Variants in SLC2A8 observed in about 807,000 individuals in gnomAD.
SLC2A8 encodes solute carrier family 2, facilitated glucose transporter member 8.
A neutral mutation model predicts 49.2 loss-of-function variants in SLC2A8; 53 were observed. That is an observed-to-expected ratio of 1.08 (90% confidence interval 0.86 to 1.35). The LOEUF (loss-of-function observed/expected upper bound fraction) is 1.35, where lower values mean the gene tolerates loss of function less well. SLC2A8 is among the 40% of genes most tolerant of loss of function. The pLI, the probability that SLC2A8 is intolerant of heterozygous loss-of-function variation, is 0.00. For missense variants in SLC2A8, 688 were observed against 671.7 expected, an observed-to-expected ratio of 1.02 and a Z score of -0.27; for synonymous variants, 299 against 297.0, an observed-to-expected ratio of 1.01 and a Z score of -0.07.
chr9:127,407,250 C>T lies in SLC2A8; in HGVS notation c.*1C>T. The T allele has an allele frequency of 6.2e-7, 1 of 1,612,978 alleles. No individual in the cohort carries two copies. The highest frequency in any genetic ancestry group is 8.5e-7 in the Non-Finnish European group (1 of 1,179,958). Reference sequence around the variant, plus strand: ...CACAGCCCATTTTGAGGGGCGATGACAGCCACTCACTAGGGGATGGAGCAA... The same window carrying T: ...CACAGCCCATTTTGAGGGGCGATGATAGCCACTCACTAGGGGATGGAGCAA... On this transcript the variant is annotated 3_prime_UTR_variant, in exon 10 of 10. Coordinates refer to ENST00000373371, the MANE Select transcript of SLC2A8 (RefSeq NM_014580.5).
intron 4 of SLC2A8, among the ~76,000 whole-genome samples, chr9:127,401,313 G>A (rs1833279846): frequency 6.6e-6 from 1 of 152,254 alleles, no homozygotes; most frequent in Non-Finnish European, 1.5e-5. Flanking sequence ...AATGAGAATT[G>A]TCAAGGGATG....
chr9:127,397,670 C>G (rs1318285210), intron 2 of SLC2A8, 132 bp downstream of exon 2: 17 of 1,261,314 alleles, frequency 1.3e-5, no homozygotes, highest in Non-Finnish European at 1.8e-5. Flanking sequence ...CCTTTCCCCA[C>G]GAGACAGGCA....
In SLC2A8 at chr9:127,399,597, A is replaced by G. The variant is rs1374172698; in HGVS notation, c.427-310A>G. Among the ~76,000 whole-genome samples the G allele has an allele frequency of 6.6e-6, 1 of 151,326 alleles. No individual in the cohort carries two copies. The highest frequency in any genetic ancestry group is 6.6e-5 in the Admixed American group (1 of 15,230). On this transcript the variant is annotated intron_variant, in intron 3 of 9. Transcript: ENST00000373371. This position sits in a 1 kb window ranked among gnomAD's most constrained non-coding sequence, Gnocchi z 4.2. The stretch of plus-strand genomic sequence containing the variant: ...TTTTTTTTTTTTAATTTTTATTTAA[A>G]AATTTCGGAGTTTCGCTCTTGTTGC...
intron 5 of SLC2A8, 28 bp downstream of exon 5, chr9:127,402,781 G>A (rs986379835): frequency 2.0e-6 from 3 of 1,510,306 alleles, no homozygotes; most frequent in African/African-American, 1.4e-5. Flanking sequence ...AGAGCTGACA[G>A]GAGTGGGACA....
At position 127,403,776 on chromosome 9, in the gene SLC2A8, G is replaced by T. The variant is rs202091795; in HGVS notation, c.840G>T (p.Glu280Asp). The part of the protein sequence containing the change: ...SGVNAVMFYA[E>D]TIFEEAKFKD... ...TCAACGCCGTCATGTTCTATGCAGA[G>T]ACCATCTTTGAAGAGGCCAAGTTCA... is the stretch of plus-strand genomic sequence containing the variant. Residue 280 changes from glutamate (E) to aspartate (D), a missense_variant, in exon 6 of 10, where the codon GAG becomes GAT. Coordinates refer to ENST00000373371, the MANE Select transcript of SLC2A8 (RefSeq NM_014580.5). The T allele has an allele frequency of 6.2e-7, 1 of 1,613,112 alleles. No homozygotes were observed. Among genetic ancestry groups the T allele is most frequent in the African/African-American group, 1.3e-5 (1 of 74,902 alleles).
At chr9:127,404,737 T>A in intron 7 of SLC2A8, 81 bp from the exon 8 acceptor site, 1 of 1,479,346 alleles carries the variant, frequency 6.8e-7, no homozygotes, top group Non-Finnish European at 9.1e-7. Context: ...GGCCTGCCCC[T>A]CTCAGAGGCA....
chr9:127,399,816 G>A lies in SLC2A8; in HGVS notation c.427-91G>A. 1 of 1,048,382 alleles carries A rather than the reference G, an allele frequency of 9.5e-7. No individual in the cohort carries two copies. Among genetic ancestry groups the A allele is most frequent in the South Asian group, 1.3e-5 (1 of 74,680 alleles). 64.9% of individuals were successfully genotyped at this position (1,048,382 alleles called of 1,614,324 possible). ...GGCCAGTCTCAAACTCCCAACCTCT[G>A]GTGATCTGCCCGCCTCGGCCTCCCA... On this transcript the variant is annotated intron_variant, in intron 3 of 9. Transcript: ENST00000373371. This position sits in a 1 kb window ranked among gnomAD's most constrained non-coding sequence, Gnocchi z 4.2.
At chr9:127,406,687 C>T (rs1369300841) in intron 9 of SLC2A8, among the ~76,000 whole-genome samples, 1 of 152,210 alleles carries the variant, frequency 6.6e-6, no homozygotes, top group South Asian at 2.1e-4. Context: ...GGGCCATGCT[C>T]GCTTTGCCCT....
Position 127,407,263 on chromosome 9 carries a change from G to C in SLC2A8, c.*14G>C. 6.2e-7 allele frequency: 1 copy of C among 1,612,810 alleles called. No individual in the cohort carries two copies. Among genetic ancestry groups the C allele is most frequent in the African/African-American group, 1.3e-5 (1 of 75,056 alleles). ...GAGGGGCGATGACAGCCACTCACTA[G>C]GGGATGGAGCAAGCCTGTGACTCCA... is the stretch of plus-strand genomic sequence containing the variant. On this transcript the variant is annotated 3_prime_UTR_variant, in exon 10 of 10. Transcript: ENST00000373371.
Position 127,405,496 on chromosome 9 carries a change from G to C in SLC2A8, c.1227G>C (p.Ala409=), listed in dbSNP as rs367972240. ...EIFPLHVKGV[A]TGICVLTNWL... The stretch of plus-strand genomic sequence containing the variant: ...TCCCTCTGCATGTCAAGGGCGTGGC[G>C]ACAGGCATCTGCGTCCTCACCAACT... Residue 409 remains alanine, a synonymous_variant, in exon 9 of 10, where the codon GCG becomes GCC. Coordinates refer to ENST00000373371, the MANE Select transcript of SLC2A8 (RefSeq NM_014580.5). 1.4e-5 allele frequency: 22 copies of C among 1,613,056 alleles called. No homozygotes were observed. The South Asian group carries it at 2.2e-4, about 16-fold the overall frequency.
At chr9:127,404,578 T>C (rs3824414) in intron 7 of SLC2A8, 309,469 of 521,058 alleles carry the variant, frequency 0.59, 93,258 homozygotes, top group Admixed American at 0.64. Flanking sequence ...GCTGCTTCTG[T>C]GCCGGTACCT....
rs1044715974 is a variant in SLC2A8 at position 127,399,611 on chromosome 9, C to T, written c.427-296C>T. On this transcript the variant is annotated intron_variant, in intron 3 of 9. Transcript: ENST00000373371. The surrounding 1 kb of genome is among the most constrained non-coding windows in gnomAD (Gnocchi z 4.2). ...TTTTTATTTAAAAATTTCGGAGTTT[C>T]GCTCTTGTTGCCCAGGCTGGAGTGC... Among the ~76,000 whole-genome samples, 4 of 147,920 alleles carry T rather than the reference C, an allele frequency of 2.7e-5. No individual in the cohort carries two copies. The highest frequency in any genetic ancestry group is 7.5e-5 in the African/African-American group (3 of 40,082).
At position 127,397,248 on chromosome 9, in the gene SLC2A8, A is replaced by G. The variant is rs966069923; in HGVS notation, c.18A>G (p.Pro6=). MTPED[P]EETQPLLGPP... ...CCGCCGACATGACGCCCGAGGACCC[A>G]GAGGAAACCCAGCCGCTTCTGGGGC... Residue 6 remains proline (P), a synonymous_variant, in exon 1 of 10, where the codon CCA becomes CCG. Transcript: ENST00000373371. 6.9e-7 allele frequency: 1 copy of G among 1,440,144 alleles called. No individual in the cohort carries two copies. The highest frequency in any genetic ancestry group is 9.0e-7 in the Non-Finnish European group (1 of 1,106,300). The allele number at this position is 1,440,144 out of a possible 1,614,324, so 89.2% of individuals were successfully genotyped here. A position where few individuals can be genotyped will look rare whatever the true frequency, so the allele number is the denominator to read the frequency against.
At chr9:127,402,510 G>GA in intron 4 of SLC2A8, 47 bp from the exon 5 acceptor site, 1 of 1,459,028 alleles carries the variant, frequency 6.9e-7, no homozygotes, top group Non-Finnish European at 9.0e-7. Flanking sequence ...GGCCCAGGCT[G>GA]GCTCACCCTG....
chr9:127,406,993 T>G (rs1296092211), intron 9 of SLC2A8, 119 bp from the exon 10 acceptor site: 1 of 1,133,192 alleles, frequency 8.8e-7, no homozygotes, highest in Non-Finnish European at 1.3e-6. Context: ...GGTGTGGCCT[T>G]GGGCAGGGCA....
At chr9:127,400,351 G>A (rs550759393) in intron 4 of SLC2A8, among the ~76,000 whole-genome samples, 1 of 151,936 alleles carries the variant, frequency 6.6e-6, no homozygotes, top group Non-Finnish European at 1.5e-5. Flanking sequence ...TAGAAAGGGG[G>A]TTTCACCGTG....
chr9:127,407,708 AG>A lies in SLC2A8; in HGVS notation c.*462del, dbSNP rs1184073780. ...GGCTTTGTGCAAGCTCAGTTTGAAA[AG>A]GGTTTATTCCCATCACTGCCCAGGA... On this transcript the variant is annotated 3_prime_UTR_variant, in exon 10 of 10. Coordinates refer to ENST00000373371, the MANE Select transcript of SLC2A8 (RefSeq NM_014580.5). 1.6e-5 allele frequency: 5 copies of A among 303,108 alleles called. No homozygotes were observed. Among genetic ancestry groups the A allele is most frequent in the Non-Finnish European group, 3.3e-5 (5 of 149,544 alleles). The allele number at this position is 303,108 out of a possible 1,614,324, so 18.8% of individuals were successfully genotyped here.
At position 127,403,995 on chromosome 9, in the gene SLC2A8, C is replaced by G. The variant is rs1372397611; in HGVS notation, c.904C>G (p.Gln302Glu). The G allele has an allele frequency of 1.2e-6, 2 of 1,610,206 alleles. No individual in the cohort carries two copies. Among genetic ancestry groups the G allele is most frequent in the Admixed American group, 1.7e-5 (1 of 59,806 alleles). The change falls in exon 7 of 10, where the codon CAG becomes GAG. Residue 302 changes from glutamine (Q) to glutamate (E), a missense_variant. By Grantham distance (29) the Gln-to-Glu change is conservative. Transcript: ENST00000373371. Reference protein sequence around the residue: ...SLASVVVGVIQVLFTAVAALI... With the variant: ...SLASVVVGVIEVLFTAVAALI... ...GGCCTCGGTCGTCGTGGGTGTCATCCAGGTGCTGTTCACAGCTGTGGCGGC... is the reference window on the plus strand; with the variant it reads ...GGCCTCGGTCGTCGTGGGTGTCATCGAGGTGCTGTTCACAGCTGTGGCGGC...
chr9:127,407,107 T>C lies in SLC2A8; in HGVS notation c.1297-5T>C. ...GTCCACCCATGGCCTTTCCTCTCTC[T>C]GCAGGAGGTCCTCAGGCCCTATGGA... On this transcript the variant is annotated splice_polypyrimidine_tract_variant and splice_region_variant and intron_variant, in intron 9 of 9. Transcript: ENST00000373371. 6.2e-7 allele frequency: 1 copy of C among 1,613,004 alleles called. No homozygotes were observed. Among genetic ancestry groups the C allele is most frequent in the East Asian group, 2.2e-5 (1 of 44,888 alleles).
Sources: allele counts gnomAD v4.1 joint callset (sites outside exome capture counted in the v4.1 genomes callset), GRCh38; gene constraint gnomAD v4.1.1; non-coding constraint Gnocchi (gnomAD v3.1); transcripts MANE v1.5; gene names NCBI Gene and HGNC (gene_info 2026-07-23, HGNC 2026-07-21).